The following FGGY variants were observed in gnomAD, a reference collection of about 807,000 sequenced individuals.
FGGY encodes the protein FGGY carbohydrate kinase domain-containing protein.
Under a neutral mutation model 71.3 loss-of-function variants are expected in FGGY, and 72 were observed. The observed-to-expected ratio is 1.01, with a 90% CI of 0.84 to 1.23. FGGY has a LOEUF of 1.23. Ranked by LOEUF, FGGY falls within the 50% of genes most tolerant of loss-of-function variation. The pLI, the probability that FGGY is intolerant of heterozygous loss-of-function variation, is 0.00. For synonymous variants in FGGY, 251 were observed against 250.3 expected (o/e 1.00, Z -0.02); for missense variants, 668 against 682.3 (o/e 0.98, Z 0.23).
Position 59,388,168 on chromosome 1 carries a change from C to T in FGGY, c.554+9331C>T, listed in dbSNP as rs1249150106. On this transcript the variant is annotated intron_variant, in intron 5 of 15. Transcript: ENST00000303721. ...AGGAGTTGGGGCAGGAAGGAAGACC[C>T]GATTTGCCAACCCTATCTCAAGTCT... 2.6e-5 allele frequency among the ~76,000 whole-genome samples: 4 copies of T among 152,080 alleles called. No homozygotes were observed. In the East Asian group the frequency reaches 7.7e-4, roughly 29 times the overall value.
intron 11 of FGGY, among the ~76,000 whole-genome samples, chr1:59,649,061 G>T (rs1032280298): frequency 7.2e-5 from 11 of 151,908 alleles, no homozygotes; most frequent in African/African-American, 2.7e-4. Flanking sequence ...GATAGTTTTA[G>T]GTATGCGGCA....
intron 14 of FGGY, among the ~76,000 whole-genome samples, chr1:59,739,024 A>G (rs1573895228): frequency 6.6e-6 from 1 of 152,182 alleles, no homozygotes; most frequent in Non-Finnish European, 1.5e-5. Context: ...ACTGCCTTGA[A>G]GGGAGACCAG....
At chr1:59,556,493 T>C (rs2095688081) in intron 8 of FGGY, among the ~76,000 whole-genome samples, 1 of 152,188 alleles carries the variant, frequency 6.6e-6, no homozygotes, top group Admixed American at 6.5e-5. Flanking sequence ...AGAACTGAAA[T>C]CTAACTCTGA....
chr1:59,437,737 A>G (rs2068795088), intron 5 of FGGY, among the ~76,000 whole-genome samples: 1 of 152,226 alleles, frequency 6.6e-6, no homozygotes, highest in Non-Finnish European at 1.5e-5. Flanking sequence ...GAGTTTTTAC[A>G]TAAATGTCAC....
chr1:59,457,210 C>A, intron 6 of FGGY, 134 bp downstream of exon 6: 1 of 652,596 alleles, frequency 1.5e-6, no homozygotes, highest in Non-Finnish European at 2.7e-6. Context: ...TTTTCCAAGA[C>A]AAATGAGTTA....
chr1:59,686,464 G>A (rs2097545134), intron 14 of FGGY, among the ~76,000 whole-genome samples: 1 of 152,184 alleles, frequency 6.6e-6, no homozygotes, highest in South Asian at 2.1e-4. Context: ...TTGCCTTTAA[G>A]AGAGAACGCT....
At chr1:59,521,732 G>A (rs1292545757) in intron 7 of FGGY, among the ~76,000 whole-genome samples, 1 of 152,148 alleles carries the variant, frequency 6.6e-6, no homozygotes, top group East Asian at 1.9e-4. Context: ...TAGAATCTGA[G>A]TGACCTAGTT....
At chr1:59,706,748 C>T (rs937504471) in intron 14 of FGGY, among the ~76,000 whole-genome samples, 3 of 152,192 alleles carry the variant, frequency 2.0e-5, no homozygotes, top group African/African-American at 4.8e-5. Flanking sequence ...GGCCTCCACA[C>T]TCTTAGCCCT....
chr1:59,759,274 G>C (rs1383910537), intron 15 of FGGY, among the ~76,000 whole-genome samples: 1 of 152,086 alleles, frequency 6.6e-6, no homozygotes, highest in Non-Finnish European at 1.5e-5. Context: ...ACTCCACATA[G>C]AGTCAGGCTG....
At chr1:59,413,409 G>T (rs371638293) in intron 5 of FGGY, among the ~76,000 whole-genome samples, 5 of 152,232 alleles carry the variant, frequency 3.3e-5, no homozygotes, top group African/African-American at 1.2e-4. Context: ...AATGATATAT[G>T]AATTGAAATA....
rs116802853 is a variant in FGGY at position 59,696,743 on chromosome 1, G to C, written c.1512+22610G>C. Among the ~76,000 whole-genome samples, 1,067 of 152,314 alleles carry C rather than the reference G, an allele frequency of 7.0e-3. 12 individuals carry two copies. The highest frequency in any genetic ancestry group is 0.024 in the African/African-American group (1,002 of 41,556). On this transcript the variant is annotated intron_variant, in intron 14 of 15. Transcript: ENST00000303721. ...GAAATGACGAGTGGCTCGCAAAAAG[G>C]ATCTGATGAGTGTTAATAGTAAGCA... is the stretch of plus-strand genomic sequence containing the variant.
chr1:59,696,651 C>G (rs1242528576), intron 14 of FGGY, among the ~76,000 whole-genome samples: 1 of 152,208 alleles, frequency 6.6e-6, no homozygotes, highest in Admixed American at 6.5e-5. Context: ...TGTCTACCTA[C>G]CTCACACTGT....
intron 9 of FGGY, among the ~76,000 whole-genome samples, chr1:59,612,654 C>T (rs1299084955): frequency 6.6e-6 from 1 of 152,100 alleles, no homozygotes; most frequent in Non-Finnish European, 1.5e-5. Context: ...CAATATTAAC[C>T]TTATATGTAA....
chr1:59,635,113 C>T (rs1210524964), intron 10 of FGGY, among the ~76,000 whole-genome samples: 4 of 152,074 alleles, frequency 2.6e-5, no homozygotes, highest in African/African-American at 9.7e-5. Flanking sequence ...CAAAATGACA[C>T]AAAGTCAGAA....
At chr1:59,515,245 C>T (rs900017219) in intron 7 of FGGY, among the ~76,000 whole-genome samples, 26 of 152,134 alleles carry the variant, frequency 1.7e-4, no homozygotes, top group Non-Finnish European at 2.9e-4. Context: ...GGATTTTGGA[C>T]TTGCCTGGGC....
chr1:59,695,425 C>A (rs898014227), intron 14 of FGGY, among the ~76,000 whole-genome samples: 2 of 152,164 alleles, frequency 1.3e-5, no homozygotes, highest in East Asian at 3.8e-4. Context: ...AACACACTCG[C>A]CCATGCATTC....
At chr1:59,493,130 C>CACACACACAAAA (rs3220800) in intron 6 of FGGY, among the ~76,000 whole-genome samples, 13 of 150,392 alleles carry the variant, frequency 8.6e-5, no homozygotes, top group African/African-American at 3.0e-4. Context: ...CACACACACA[C>CACACACACAAAA]AAAACAGAAA....
intron 14 of FGGY, among the ~76,000 whole-genome samples, chr1:59,691,830 C>T (rs997607133): frequency 1.3e-5 from 2 of 151,798 alleles, no homozygotes; most frequent in African/African-American, 2.4e-5. Flanking sequence ...TGTAAAAAAC[C>T]CCTTTTGGAT....
intron 8 of FGGY, among the ~76,000 whole-genome samples, chr1:59,572,304 A>G (rs189534234): frequency 1.5e-4 from 23 of 152,252 alleles, no homozygotes; most frequent in African/African-American, 5.5e-4. Flanking sequence ...GGCAGTGGTC[A>G]AGAGAAAAAA....
Sources: allele counts gnomAD v4.1 joint callset (sites outside exome capture counted in the v4.1 genomes callset), GRCh38; gene constraint gnomAD v4.1.1; transcripts MANE v1.5; gene names NCBI Gene and HGNC (gene_info 2026-07-23, HGNC 2026-07-21).